Variants in LAPTM4A observed in about 807,000 individuals in gnomAD.
The protein encoded by LAPTM4A is lysosomal-associated transmembrane protein 4A.
LAPTM4A carries 19 observed loss-of-function variants against 29.9 expected under a neutral mutation model. The observed-to-expected ratio is 0.64, with a 90% CI of 0.44 to 0.93. The LOEUF (loss-of-function observed/expected upper bound fraction) is 0.93. LAPTM4A is among the 40% of genes least tolerant of loss of function. LAPTM4A has a pLI of 0.00. For missense variants in LAPTM4A, 293 were observed against 288.5 expected, an observed-to-expected ratio of 1.02 and a Z score of -0.11; for synonymous variants, 105 against 102.1, an observed-to-expected ratio of 1.03 and a Z score of -0.17.
At chr2:20,037,872 T>A (rs1167417353) in intron 2 of LAPTM4A, among the ~76,000 whole-genome samples, 1 of 152,080 alleles carries the variant, frequency 6.6e-6, no homozygotes, top group African/African-American at 2.4e-5. Context: ...GGATGGCACA[T>A]GAACCACATT....
intron 1 of LAPTM4A, among the ~76,000 whole-genome samples, chr2:20,046,840 C>T (rs966732490): frequency 1.5e-5 from 2 of 135,292 alleles, no homozygotes; most frequent in African/African-American, 5.2e-5. Flanking sequence ...TCATGTTGCT[C>T]AGGCTGGTCT....
Position 20,034,895 on chromosome 2 carries a change from G to A in LAPTM4A, c.528+72C>T. The A allele has an allele frequency of 9.2e-6, 10 of 1,083,874 alleles. No individual in the cohort carries two copies. The South Asian group carries it at 1.3e-4, about 15-fold the overall frequency. 67.1% of individuals were successfully genotyped at this position (1,083,874 alleles called of 1,614,324 possible). A position where few individuals can be genotyped will look rare whatever the true frequency, so the allele number is the denominator to read the frequency against. ...CTCAATCTCCTGTGACTTGTAAGGT[G>A]AAAGGCAGCAAAAAGGTTTAGATTC... On this transcript the variant is annotated intron_variant, in intron 5 of 6. Transcript: ENST00000175091.
chr2:20,037,466 T>C lies in LAPTM4A; in HGVS notation c.310-28A>G, dbSNP rs776701123. 1.2e-5 allele frequency: 19 copies of C among 1,605,416 alleles called. No homozygotes were observed. In the Admixed American group the frequency reaches 2.8e-4, roughly 23 times the overall value. ...GGAGAAAAAATAACAACCATAACAT[T>C]GTATCACATATAGGAAATTACTAAG... On this transcript the variant is annotated intron_variant, in intron 3 of 6. Transcript: ENST00000175091.
At chr2:20,039,989 T>C (rs1673760219) in intron 2 of LAPTM4A, among the ~76,000 whole-genome samples, 3 of 152,158 alleles carry the variant, frequency 2.0e-5, no homozygotes, top group Admixed American at 1.3e-4. Context: ...GAGGTTGCCC[T>C]GAGCCGAGAT....
chr2:20,049,666 G>C (rs6706375), intron 1 of LAPTM4A, among the ~76,000 whole-genome samples: 1 of 152,110 alleles, frequency 6.6e-6, no homozygotes, highest in African/African-American at 2.4e-5. Flanking sequence ...GGTTGAAATA[G>C]AAATGGTGGT....
intron 1 of LAPTM4A, among the ~76,000 whole-genome samples, chr2:20,041,786 C>T (rs1673807825): frequency 6.6e-6 from 1 of 152,146 alleles, no homozygotes; most frequent in Non-Finnish European, 1.5e-5. Flanking sequence ...ACACCCAGCC[C>T]TAGCCTCCCA....
intron 5 of LAPTM4A, 108 bp downstream of exon 5, chr2:20,034,858 TC>T (rs1485639716): frequency 1.3e-6 from 1 of 757,884 alleles, no homozygotes; most frequent in Non-Finnish European, 2.3e-6. Context: ...ATAAACACTG[TC>T]CCCACAAATC....
rs773242612 is a variant in LAPTM4A at position 20,033,259 on chromosome 2, T to A, written c.648A>T (p.Glu216Asp). Reference sequence around the variant, plus strand: ...CTTTTTCAGGCATTTTCACGGCCATTTCATAGGTTGGCAAAACGTACTAAA... The same window carrying A: ...CTTTTTCAGGCATTTTCACGGCCATATCATAGGTTGGCAAAACGTACTAAA... ...APPQYVLPTY[E>D]MAVKMPEKEP... The change falls in exon 7 of 7, where the codon GAA (glutamate) becomes GAT (aspartate). Residue 216 changes from glutamate (E) to aspartate (D), a missense_variant. Glu to Asp is a conservative substitution (Grantham distance 45). Transcript: ENST00000175091. The A allele has an allele frequency of 1.2e-6, 2 of 1,614,108 alleles. No homozygotes were observed. Among genetic ancestry groups the A allele is most frequent in the Middle Eastern group, 1.7e-4 (1 of 6,060 alleles).
At chr2:20,050,647 G>A (rs138860170) in intron 1 of LAPTM4A, among the ~76,000 whole-genome samples, 12 of 152,274 alleles carry the variant, frequency 7.9e-5, no homozygotes, top group Non-Finnish European at 1.5e-4. Context: ...GGCAACAACA[G>A]TGTCAACTTG....
At chr2:20,035,999 T>C (rs1036542127) in intron 4 of LAPTM4A, among the ~76,000 whole-genome samples, 2 of 152,172 alleles carry the variant, frequency 1.3e-5, no homozygotes, top group African/African-American at 2.4e-5. Flanking sequence ...GGTTGTCTCC[T>C]TGGGAAAAAA....
chr2:20,042,301 G>C (rs574604767), intron 1 of LAPTM4A, among the ~76,000 whole-genome samples: 6 of 152,332 alleles, frequency 3.9e-5, no homozygotes, highest in Admixed American at 6.5e-5. Flanking sequence ...TATCACATGA[G>C]AGTAACTCCC....
chr2:20,040,556 T>C (rs892771670), intron 2 of LAPTM4A, among the ~76,000 whole-genome samples: 2 of 152,188 alleles, frequency 1.3e-5, no homozygotes, highest in African/African-American at 4.8e-5. Flanking sequence ...GGACTGCATA[T>C]ATCATGAGGG....
At chr2:20,034,945 A>T in intron 5 of LAPTM4A, 22 bp downstream of exon 5, 1 of 1,553,166 alleles carries the variant, frequency 6.4e-7, no homozygotes, top group Non-Finnish European at 8.9e-7. Flanking sequence ...AGTCACCCCT[A>T]AAGATTTAGT....
chr2:20,051,410 C>T lies in LAPTM4A; in HGVS notation c.111G>A (p.Met37Ile), dbSNP rs376415987. Residue 37 changes from methionine to isoleucine, a missense_variant and splice_region_variant, in exon 1 of 7, where the codon ATG becomes ATA. By Grantham distance (10) the Met-to-Ile change is conservative. Coordinates refer to ENST00000175091, the MANE Select transcript of LAPTM4A (RefSeq NM_014713.5). ...TACGCGCCACGCCTGCCCGCCTTAC[C>T]ATGTACCAGGTCCCCAGGATGATCG... is the stretch of plus-strand genomic sequence containing the variant. ...TGTIILGTWY[M>I]VVNLLMAILL... 4 of 1,607,352 alleles carry T rather than the reference C, an allele frequency of 2.5e-6. No individual in the cohort carries two copies. The highest frequency in any genetic ancestry group is 2.2e-5 in the East Asian group (1 of 44,786).
In LAPTM4A at chr2:20,037,679, T is replaced by G. The variant is rs1673709281; in HGVS notation, c.233-65A>C. On this transcript the variant is annotated intron_variant, in intron 2 of 6. Transcript: ENST00000175091. ...ACAACAAAAAGAACAAAACTTCACT[T>G]AAAGCTAGCTTTAAAATATTAAATT... 3 of 1,022,736 alleles carry G rather than the reference T, an allele frequency of 2.9e-6. No homozygotes were observed. In the Admixed American group the frequency reaches 7.4e-5, roughly 25 times the overall value. 63.4% of individuals were successfully genotyped at this position (1,022,736 alleles called of 1,614,324 possible). A position where few individuals can be genotyped will look rare whatever the true frequency, so the allele number is the denominator to read the frequency against.
rs756153153 is a variant in LAPTM4A, at chr2:20,034,991, G to T, written c.504C>A (p.Phe168Leu). Residue 168 changes from phenylalanine (F) to leucine (L), a missense_variant, in exon 5 of 7, where the codon TTC becomes TTA. By Grantham distance (22) the Phe-to-Leu change is conservative. Transcript: ENST00000175091. ...SSCLLFIVLV[F>L]FALFIIFKAY... ...CCTTAAAAATGATGAATAAGGCAAA[G>T]AACACAAGAACAATGAACAGGAGGC... is the stretch of plus-strand genomic sequence containing the variant. 1.2e-6 allele frequency: 2 copies of T among 1,612,080 alleles called. No homozygotes were observed. Among genetic ancestry groups the T allele is most frequent in the Non-Finnish European group, 1.7e-6 (2 of 1,178,744 alleles).
At chr2:20,039,462 G>A (rs1222941017) in intron 2 of LAPTM4A, among the ~76,000 whole-genome samples, 1 of 152,210 alleles carries the variant, frequency 6.6e-6, no homozygotes, top group East Asian at 1.9e-4. Context: ...GCTTTCAAGA[G>A]TCTGCTATGG....
At position 20,033,298 on chromosome 2, in the gene LAPTM4A, T is replaced by C. The variant is rs760149948; in HGVS notation, c.628-19A>G. Reference sequence around the variant, plus strand: ...AAACGTACTAAAGAGAGAAAAAAAATTGTATCAGATTTAATTCTCCTTTAA... The same window carrying C: ...AAACGTACTAAAGAGAGAAAAAAAACTGTATCAGATTTAATTCTCCTTTAA... On this transcript the variant is annotated intron_variant, in intron 6 of 6. Transcript: ENST00000175091. 9.5e-6 allele frequency: 15 copies of C among 1,578,578 alleles called. No homozygotes were observed. Among genetic ancestry groups the C allele is most frequent in the Middle Eastern group, 3.3e-4 (2 of 6,020 alleles).
rs548695255 is a variant in LAPTM4A, at chr2:20,051,542, T to C, written c.-22A>G. ...CCATCGTAACAGGCGGGCCTCCTTC[T>C]TGGCCGGGCCCCTGACAAACGTTCT... On this transcript the variant is annotated 5_prime_UTR_variant, in exon 1 of 7. Transcript: ENST00000175091. 3.8e-5 allele frequency: 57 copies of C among 1,488,734 alleles called. No individual in the cohort carries two copies. The highest frequency in any genetic ancestry group is 5.1e-5 in the Non-Finnish European group (55 of 1,085,094). The allele number at this position is 1,488,734 out of a possible 1,614,324, so 92.2% of individuals were successfully genotyped here.
Sources: gnomAD v4.1 joint callset for allele counts (sites outside exome capture counted in the v4.1 genomes callset) on GRCh38, gnomAD v4.1.1 for gene constraint, MANE v1.5 for transcripts, NCBI Gene and HGNC (gene_info 2026-07-23, HGNC 2026-07-21) for gene names.